Variants in DCDC1 observed in about 807,000 individuals in gnomAD.
DCDC1 encodes doublecortin domain containing 1.
Under a neutral mutation model 178.3 loss-of-function variants are expected in DCDC1, and 200 were observed. That is an observed-to-expected ratio of 1.12 (90% CI 1.00 to 1.26). The LOEUF is 1.26. DCDC1 is among the 50% of genes most tolerant of loss of function. The pLI, the probability that DCDC1 is intolerant of heterozygous loss-of-function variation, is 0.00. For missense variants in DCDC1, 1,983 were observed against 1,749.2 expected, an observed-to-expected ratio of 1.13 and a Z score of -2.38; for synonymous variants, 690 against 604.8, an observed-to-expected ratio of 1.14 and a Z score of -2.07.
intron 20 of DCDC1, among the ~76,000 whole-genome samples, chr11:30,968,006 T>C (rs1055533604): frequency 6.6e-6 from 1 of 152,138 alleles, no homozygotes; most frequent in African/African-American, 2.4e-5. Flanking sequence ...CAAGGATGCT[T>C]TGTCTAAAGT....
intron 3 of DCDC1, among the ~76,000 whole-genome samples, chr11:31,315,310 T>TA (rs1949016628): frequency 1.8e-5 from 1 of 55,818 alleles, no homozygotes; most frequent in South Asian, 6.9e-4. Flanking sequence ...CATACCCTTT[T>TA]TTTTTTTTTT....
intron 27 of DCDC1, among the ~76,000 whole-genome samples, chr11:30,912,613 A>G (rs1191681945): frequency 1.3e-5 from 2 of 152,158 alleles, no homozygotes; most frequent in African/African-American, 4.8e-5. Flanking sequence ...TAAGTAACAG[A>G]AACTAGACTA....
intron 20 of DCDC1, among the ~76,000 whole-genome samples, chr11:31,028,323 T>C (rs1312340271): frequency 6.6e-6 from 1 of 151,908 alleles, no homozygotes. Context: ...TTTACCTTTG[T>C]CTAAAAGGTT....
intron 21 of DCDC1, among the ~76,000 whole-genome samples, chr11:30,947,473 C>T (rs1360279641): frequency 6.6e-6 from 1 of 152,096 alleles, no homozygotes; most frequent in Non-Finnish European, 1.5e-5. Context: ...AGGACACCTT[C>T]TTCAATAAAT....
intron 9 of DCDC1, among the ~76,000 whole-genome samples, chr11:31,186,661 G>C (rs1049921482): frequency 6.6e-6 from 1 of 152,226 alleles, no homozygotes; most frequent in Non-Finnish European, 1.5e-5. Flanking sequence ...CTGCCTACTG[G>C]GTTGAATCTG....
chr11:30,883,350 A>C, intron 36 of DCDC1: 1 of 255,588 alleles, frequency 3.9e-6, no homozygotes. Flanking sequence ...TGTATGAGAG[A>C]GAAAAGTCAA....
chr11:31,303,310 T>C (rs1226335405), intron 6 of DCDC1, among the ~76,000 whole-genome samples: 1 of 152,156 alleles, frequency 6.6e-6, no homozygotes, highest in African/African-American at 2.4e-5. Context: ...GTATATAAAA[T>C]ACTTATGCTC....
intron 7 of DCDC1, among the ~76,000 whole-genome samples, chr11:31,285,456 C>T (rs1946754002): frequency 6.6e-6 from 1 of 152,106 alleles, no homozygotes; most frequent in South Asian, 2.1e-4. Flanking sequence ...CTTTTTGAAT[C>T]TCTTAAGATA....
At chr11:30,872,820 A>C (rs899637312) in intron 38 of DCDC1, among the ~76,000 whole-genome samples, 8 of 152,076 alleles carry the variant, frequency 5.3e-5, no homozygotes, top group African/African-American at 1.9e-4. Context: ...CATAAGACTT[A>C]ACACAATGTG....
intron 9 of DCDC1, among the ~76,000 whole-genome samples, chr11:31,225,570 A>C (rs1353405612): frequency 6.6e-6 from 1 of 150,824 alleles, no homozygotes; most frequent in Non-Finnish European, 1.5e-5. Context: ...AATATGTGTT[A>C]TATATACATA....
chr11:31,012,273 C>T (rs111787928), intron 20 of DCDC1, among the ~76,000 whole-genome samples: 50 of 152,080 alleles, frequency 3.3e-4, no homozygotes, highest in African/African-American at 1.1e-3. Flanking sequence ...ATAGACAAAT[C>T]TCAAAGCAAG....
chr11:30,911,378 C>A lies in DCDC1; in HGVS notation c.3696G>T (p.Val1232=), dbSNP rs771884148. The change falls in exon 28 of 39, where the codon GTG becomes GTT. Residue 1232 remains valine, a synonymous_variant. Coordinates refer to ENST00000684477, the MANE Select transcript of DCDC1 (RefSeq NM_001387274.1). ...CTTCATTTCTAGTCTTGGTCATAGA[C>A]ACTGCCAGCACAAGGTCAGGGTTAC... ...LVSNPDLVLA[V]SMTKTRNEVC... is the part of the protein sequence containing the mutation. 1 of 1,605,250 alleles carries A rather than the reference C, an allele frequency of 6.2e-7. No homozygotes were observed. Among genetic ancestry groups the A allele is most frequent in the East Asian group, 2.2e-5 (1 of 44,644 alleles).
intron 9 of DCDC1, among the ~76,000 whole-genome samples, chr11:31,180,742 G>A (rs1000747717): frequency 1.1e-4 from 16 of 152,134 alleles, no homozygotes; most frequent in African/African-American, 3.9e-4. Flanking sequence ...TACGCCACCA[G>A]GACCGTGGGT....
intron 20 of DCDC1, among the ~76,000 whole-genome samples, chr11:31,024,884 C>T (rs1041991765): frequency 3.3e-5 from 5 of 151,762 alleles, no homozygotes; most frequent in African/African-American, 7.2e-5. Flanking sequence ...CCCATGGTCG[C>T]GGCCTTGTTT....
intron 38 of DCDC1, among the ~76,000 whole-genome samples, chr11:30,873,946 A>G (rs938721394): frequency 6.6e-6 from 1 of 152,182 alleles, no homozygotes; most frequent in African/African-American, 2.4e-5. Context: ...TCACTTGTTT[A>G]GCCTTCCAAT....
chr11:31,111,580 T>TA (rs915060887), intron 11 of DCDC1, among the ~76,000 whole-genome samples: 11 of 151,994 alleles, frequency 7.2e-5, no homozygotes, highest in South Asian at 2.1e-4. Context: ...CAATTCTGAG[T>TA]AAAAAAAATC....
chr11:31,310,308 ATTTTTTT>A (rs11407483), intron 3 of DCDC1, among the ~76,000 whole-genome samples: 45 of 53,884 alleles, frequency 8.4e-4, no homozygotes, highest in African/African-American at 3.2e-3. Context: ...GTAATTCTTG[ATTTTTTT>A]TTTTTTTTTT....
At chr11:31,160,310 A>G (rs1458489683) in intron 9 of DCDC1, among the ~76,000 whole-genome samples, 1 of 152,174 alleles carries the variant, frequency 6.6e-6, no homozygotes, top group African/African-American at 2.4e-5. Context: ...TTCACACCTC[A>G]TGGCTTACTA....
intron 11 of DCDC1, among the ~76,000 whole-genome samples, chr11:31,114,045 A>C (rs1959458075): frequency 6.6e-6 from 1 of 152,162 alleles, no homozygotes; most frequent in Non-Finnish European, 1.5e-5. Context: ...GTACACGATA[A>C]GGTCAACAGG....
Sources: gnomAD v4.1 joint callset for allele counts (sites outside exome capture counted in the v4.1 genomes callset) on GRCh38, gnomAD v4.1.1 for gene constraint, MANE v1.5 for transcripts, NCBI Gene and HGNC (gene_info 2026-07-23, HGNC 2026-07-21) for gene names.